The following SMG6 variants were observed in gnomAD, a reference collection of about 807,000 sequenced individuals.
SMG6 encodes SMG6 nonsense mediated mRNA decay factor, also known as telomerase-binding protein EST1A.
In SMG6, 66 loss-of-function variants were observed where a neutral mutation model predicts 142.2. The ratio of observed to expected loss-of-function variants is 0.46; its 90% CI spans 0.38 to 0.57. SMG6 has a LOEUF of 0.57. Ranked by LOEUF, SMG6 falls within the 20% of genes least tolerant of loss-of-function variation. The probability of loss-of-function intolerance (pLI) is 0.00; values close to 1 mark genes in which losing one functional copy is unlikely to be tolerated. For missense variants in SMG6, 1,793 were observed against 1,832.0 expected (o/e 0.98, Z 0.39); for synonymous variants, 779 against 702.4 (o/e 1.11, Z -1.72).
Position 2,088,856 on chromosome 17 carries a change from C to A in SMG6, c.3358-2955G>T, listed in dbSNP as rs146886630. On this transcript the variant is annotated intron_variant, in intron 13 of 18. Coordinates refer to ENST00000263073, the MANE Select transcript of SMG6 (RefSeq NM_017575.5). ...TCTTAACTTGGGGGGAATAAGCCCACTGGGGAGAGGACCACCGCTCTCTTG... is the reference window on the plus strand; with the variant it reads ...TCTTAACTTGGGGGGAATAAGCCCAATGGGGAGAGGACCACCGCTCTCTTG... The A allele has an allele frequency of 8.5e-4, 841 of 985,106 alleles. 4 individuals carry two copies. The African/African-American group carries it at 8.7e-3, about 10-fold the overall frequency. The allele number at this position is 985,106 out of a possible 1,614,324, so 61.0% of individuals were successfully genotyped here.
intron 13 of SMG6, among the ~76,000 whole-genome samples, chr17:2,136,495 C>T (rs761569914): frequency 1.3e-5 from 2 of 152,180 alleles, no homozygotes; most frequent in Non-Finnish European, 2.9e-5. Context: ...TTCCTTTTCG[C>T]CTGCTCCTGA....
intron 13 of SMG6, among the ~76,000 whole-genome samples, chr17:2,141,071 C>T (rs1420053363): frequency 6.6e-6 from 1 of 152,192 alleles, no homozygotes; most frequent in Non-Finnish European, 1.5e-5. Flanking sequence ...TAGCCACTAG[C>T]CACATGTGGA....
At chr17:2,116,982 C>G (rs971889202) in intron 13 of SMG6, among the ~76,000 whole-genome samples, 1 of 152,020 alleles carries the variant, frequency 6.6e-6, no homozygotes, top group African/African-American at 2.4e-5. Flanking sequence ...AATATCATTA[C>G]TCATCAGGGA....
intron 6 of SMG6, among the ~76,000 whole-genome samples, chr17:2,291,806 G>A (rs1390908311): frequency 7.0e-5 from 10 of 143,190 alleles, no homozygotes; most frequent in African/African-American, 7.7e-5. Flanking sequence ...AGTAGTTTGC[G>A]TCACTGCACT....
At chr17:2,163,126 C>G (rs1473437376) in intron 13 of SMG6, among the ~76,000 whole-genome samples, 1 of 152,142 alleles carries the variant, frequency 6.6e-6, no homozygotes, top group African/African-American at 2.4e-5. Flanking sequence ...GCCAACATGC[C>G]TGGCTGCTAA....
At chr17:2,225,617 G>C (rs928849095) in intron 10 of SMG6, among the ~76,000 whole-genome samples, 4 of 152,066 alleles carry the variant, frequency 2.6e-5, no homozygotes, top group African/African-American at 9.7e-5. Flanking sequence ...AAGGAAAAAA[G>C]AATATACATG....
At chr17:2,190,352 C>A (rs1304297604) in intron 10 of SMG6, among the ~76,000 whole-genome samples, 1 of 152,198 alleles carries the variant, frequency 6.6e-6, no homozygotes, top group Non-Finnish European at 1.5e-5. Flanking sequence ...AAGTTACCTG[C>A]ACTCAGAAGG....
At chr17:2,243,962 T>TA in intron 9 of SMG6, among the ~76,000 whole-genome samples, 1 of 152,308 alleles carries the variant, frequency 6.6e-6, no homozygotes, top group Admixed American at 6.5e-5. Flanking sequence ...CTCTGGCGTG[T>TA]AGGCATTACG....
At chr17:2,102,888 G>C (rs939900546) in intron 13 of SMG6, among the ~76,000 whole-genome samples, 1 of 152,058 alleles carries the variant, frequency 6.6e-6, no homozygotes, top group Non-Finnish European at 1.5e-5. Flanking sequence ...GAGAACATAT[G>C]GTATGTGTCT....
At chr17:2,198,971 A>G (rs2072425835) in intron 10 of SMG6, among the ~76,000 whole-genome samples, 1 of 149,316 alleles carries the variant, frequency 6.7e-6, no homozygotes, top group South Asian at 2.1e-4. Flanking sequence ...AAAAAAAAAA[A>G]AAAGAAAAGT....
chr17:2,268,720 G>A (rs746719842), intron 8 of SMG6, among the ~76,000 whole-genome samples: 19 of 152,080 alleles, frequency 1.2e-4, no homozygotes, highest in Non-Finnish European at 2.1e-4. Context: ...GACCATCCTG[G>A]CTAATATGGT....
chr17:2,303,441 C>A, intron 1 of SMG6, 192 bp downstream of exon 1: 1 of 1,298,668 alleles, frequency 7.7e-7, no homozygotes, highest in Non-Finnish European at 9.8e-7. Context: ...CTGGCCAGGA[C>A]TGGCCGAGCC....
chr17:2,114,382 A>T (rs1028641518), intron 13 of SMG6, among the ~76,000 whole-genome samples: 2 of 152,172 alleles, frequency 1.3e-5, no homozygotes, highest in Non-Finnish European at 1.5e-5. Context: ...TCCCATTGAA[A>T]TGACTAAAAA....
intron 12 of SMG6, among the ~76,000 whole-genome samples, chr17:2,180,896 G>T (rs1453634851): frequency 6.6e-6 from 1 of 152,160 alleles, no homozygotes; most frequent in East Asian, 1.9e-4. Flanking sequence ...TCTTTGCAAA[G>T]AAGAAACTCA....
At chr17:2,084,633 C>A (rs1238847655) in intron 14 of SMG6, among the ~76,000 whole-genome samples, 2 of 152,200 alleles carry the variant, frequency 1.3e-5, no homozygotes, top group African/African-American at 4.8e-5. Flanking sequence ...ATCCCTGTAC[C>A]CCGCCCTGCT....
intron 8 of SMG6, among the ~76,000 whole-genome samples, chr17:2,256,468 A>G (rs2074182462): frequency 6.6e-6 from 1 of 152,130 alleles, no homozygotes; most frequent in African/African-American, 2.4e-5. Flanking sequence ...TGAGTATTTT[A>G]AAAAGACTAA....
At chr17:2,075,361 C>T (rs2068228230) in intron 15 of SMG6, among the ~76,000 whole-genome samples, 1 of 152,168 alleles carries the variant, frequency 6.6e-6, no homozygotes, top group African/African-American at 2.4e-5. Flanking sequence ...GAACACATGT[C>T]ATTGCTGGCC....
chr17:2,098,779 C>T (rs1267993273), intron 13 of SMG6, among the ~76,000 whole-genome samples: 4 of 151,862 alleles, frequency 2.6e-5, no homozygotes, highest in South Asian at 4.2e-4. Flanking sequence ...TACAGGCACC[C>T]GCCACCATGT....
intron 6 of SMG6, among the ~76,000 whole-genome samples, chr17:2,287,474 G>A (rs942699257): frequency 2.0e-5 from 3 of 152,126 alleles, no homozygotes; most frequent in Non-Finnish European, 4.4e-5. Context: ...TAGCTGCTAT[G>A]GAAAACAATA....
Sources: gnomAD v4.1 joint callset for allele counts (sites outside exome capture counted in the v4.1 genomes callset) on GRCh38, gnomAD v4.1.1 for gene constraint, MANE v1.5 for transcripts, NCBI Gene and HGNC (gene_info 2026-07-23, HGNC 2026-07-21) for gene names.